SUCLG2: variants seen among roughly 807,000 people sequenced by gnomAD.
The protein encoded by SUCLG2 is succinate-CoA ligase GDP-forming subunit beta, also known as succinate--CoA ligase [GDP-forming] subunit beta, mitochondrial.
SUCLG2 carries 42 observed loss-of-function variants against 47.9 expected under a neutral mutation model. The ratio of observed to expected loss-of-function variants is 0.88; its 90% confidence interval spans 0.69 to 1.14. The LOEUF (loss-of-function observed/expected upper bound fraction) is 1.14, where lower values mean the gene tolerates loss of function less well. Among genes scored for constraint, SUCLG2 ranks in the 50% most tolerant of loss-of-function variants. SUCLG2 has a pLI of 0.00. For synonymous variants in SUCLG2, 195 were observed against 197.3 expected (o/e 0.99, Z 0.10); for missense variants, 571 against 525.9 (o/e 1.09, Z -0.84).
At chr3:67,370,014 G>C (rs1005517539), downstream of SUCLG2, among the ~76,000 whole-genome samples, 4 of 151,854 alleles carry the variant, frequency 2.6e-5, no homozygotes, top group African/African-American at 9.7e-5. Context: ...TTTAATACTA[G>C]ATTTTTATAA....
At chr3:67,522,609 A>G (rs1706138593) in intron 4 of SUCLG2, among the ~76,000 whole-genome samples, 1 of 151,946 alleles carries the variant, frequency 6.6e-6, no homozygotes, top group Non-Finnish European at 1.5e-5. Context: ...AATCCCATAA[A>G]TAATCAGTAA....
At chr3:67,643,381 T>A (rs1007738848) in intron 1 of SUCLG2, among the ~76,000 whole-genome samples, 2 of 152,210 alleles carry the variant, frequency 1.3e-5, no homozygotes, top group African/African-American at 4.8e-5. Flanking sequence ...TAGCGGTGTT[T>A]TTGGTCTTTG....
intron 9 of SUCLG2, among the ~76,000 whole-genome samples, chr3:67,433,826 A>C (rs2106892514): frequency 1.3e-5 from 2 of 152,200 alleles, no homozygotes. Flanking sequence ...ACTTATTTGC[A>C]CAGAGATGCT....
intron 10 of SUCLG2, among the ~76,000 whole-genome samples, chr3:67,399,704 T>C (rs1332557245): frequency 6.6e-6 from 1 of 152,192 alleles, no homozygotes; most frequent in Non-Finnish European, 1.5e-5. Flanking sequence ...GTGAATGATT[T>C]TGAACCATGC....
intron 9 of SUCLG2, among the ~76,000 whole-genome samples, chr3:67,480,127 G>A (rs1051744251): frequency 1.1e-4 from 10 of 92,254 alleles, no homozygotes; most frequent in African/African-American, 1.6e-4. Context: ...GTGTGCTGAG[G>A]CATATTCTCG....
At chr3:67,422,618 A>ATGGTGAATTATGGCTAATTTTATGGC in intron 9 of SUCLG2, among the ~76,000 whole-genome samples, 1 of 151,758 alleles carries the variant, frequency 6.6e-6, no homozygotes, top group South Asian at 2.1e-4. Flanking sequence ...TGCTAATTTT[A>ATGGTGAATTATGGCTAATTTTATGGC]TAATCTAGTG....
chr3:67,558,949 C>T (rs567153878), intron 2 of SUCLG2, among the ~76,000 whole-genome samples: 1 of 152,064 alleles, frequency 6.6e-6, no homozygotes, highest in Non-Finnish European at 1.5e-5. Flanking sequence ...TATCAAGACC[C>T]TATTCAAGAT....
intron 9 of SUCLG2, among the ~76,000 whole-genome samples, chr3:67,490,067 T>C (rs1263445924): frequency 6.6e-6 from 1 of 152,162 alleles, no homozygotes; most frequent in Non-Finnish European, 1.5e-5. Flanking sequence ...CCCTTCACAT[T>C]CTTTTGATGG....
intron 2 of SUCLG2, among the ~76,000 whole-genome samples, chr3:67,566,753 G>T (rs571098274): frequency 2.6e-5 from 4 of 152,076 alleles, no homozygotes; most frequent in African/African-American, 9.6e-5. Context: ...TCTCTGTGGT[G>T]AATAAATTAC....
At chr3:67,559,506 T>A (rs1707251347) in intron 2 of SUCLG2, among the ~76,000 whole-genome samples, 1 of 152,088 alleles carries the variant, frequency 6.6e-6, no homozygotes, top group African/African-American at 2.4e-5. Context: ...CTCACCATCA[T>A]GAGAACAGCA....
chr3:67,515,293 T>C (rs1705913662), intron 6 of SUCLG2, among the ~76,000 whole-genome samples: 1 of 152,158 alleles, frequency 6.6e-6, no homozygotes, highest in South Asian at 2.1e-4. Flanking sequence ...GGTTTGGTAG[T>C]AGGTAAGCTT....
At chr3:67,379,406 C>T (rs1231596174) in intron 10 of SUCLG2, among the ~76,000 whole-genome samples, 1 of 152,192 alleles carries the variant, frequency 6.6e-6, no homozygotes, top group African/African-American at 2.4e-5. Context: ...CCTGCTCTTT[C>T]TGGAGACTAG....
At chr3:67,481,953 C>T (rs898775139) in intron 9 of SUCLG2, among the ~76,000 whole-genome samples, 3 of 152,210 alleles carry the variant, frequency 2.0e-5, no homozygotes, top group East Asian at 3.9e-4. Context: ...CCGAGGCGGG[C>T]GGACCACCTG....
intron 10 of SUCLG2, among the ~76,000 whole-genome samples, chr3:67,400,311 G>A (rs1391048818): frequency 2.0e-5 from 3 of 151,576 alleles, no homozygotes. Context: ...TAAATTCCAA[G>A]TAATTTCAGT....
At chr3:67,544,709 C>T (rs900212543) in intron 2 of SUCLG2, among the ~76,000 whole-genome samples, 2 of 152,040 alleles carry the variant, frequency 1.3e-5, no homozygotes, top group Admixed American at 1.3e-4. Flanking sequence ...GAGTGAAAAA[C>T]AACTAAAAAA....
intron 2 of SUCLG2, among the ~76,000 whole-genome samples, chr3:67,561,530 G>A (rs2772448): frequency 0.23 from 35,672 of 151,822 alleles, 6,272 homozygotes; most frequent in East Asian, 0.48. Flanking sequence ...CTAAATAACC[G>A]TTCCAACAAA....
chr3:67,522,027 C>CATTT (rs4021918), intron 4 of SUCLG2, among the ~76,000 whole-genome samples: 81,283 of 150,974 alleles, frequency 0.54, 23,610 homozygotes, highest in Non-Finnish European at 0.65. Flanking sequence ...CATGTTCCTG[C>CATTT]ATTTATTTAT....
chr3:67,381,625 T>C (rs1702160328), intron 10 of SUCLG2, among the ~76,000 whole-genome samples: 1 of 152,176 alleles, frequency 6.6e-6, no homozygotes, highest in Admixed American at 6.5e-5. Context: ...TAACCACCTG[T>C]ACAGATAACT....
At position 67,528,097 on chromosome 3, in the gene SUCLG2, CAT is replaced by C. The variant is rs751927927; in HGVS notation, c.417+33_417+34del. On this transcript the variant is annotated intron_variant, in intron 4 of 10. Transcript: ENST00000307227. ...TGGTTTTCTTTTCTATTTTTTAACACATATATAGAAAATGACCCAAAGTATCC... is the reference window on the plus strand; with the variant it reads ...TGGTTTTCTTTTCTATTTTTTAACACATATAGAAAATGACCCAAAGTATCC... 3.8e-6 allele frequency: 6 copies of C among 1,561,992 alleles called. No individual in the cohort carries two copies. In the Admixed American group the frequency reaches 6.7e-5, roughly 18 times the overall value.
Sources: allele counts gnomAD v4.1 joint callset (sites outside exome capture counted in the v4.1 genomes callset), GRCh38; gene constraint gnomAD v4.1.1; transcripts MANE v1.5; gene names NCBI Gene and HGNC (gene_info 2026-07-23, HGNC 2026-07-21).